ZNF804A: variants seen among roughly 807,000 people sequenced by gnomAD.
ZNF804A encodes the protein zinc finger protein 804A.
Under a neutral mutation model 16.5 loss-of-function variants are expected in ZNF804A, and 2 were observed. That is an observed-to-expected ratio of 0.12 (90% CI 0.05 to 0.38). ZNF804A has a LOEUF of 0.38. Ranked by LOEUF, ZNF804A falls within the 10% of genes least tolerant of loss-of-function variation. The probability of loss-of-function intolerance (pLI) is 0.99; values close to 1 mark genes in which losing one functional copy is unlikely to be tolerated. For synonymous variants in ZNF804A, 534 were observed against 489.6 expected, an observed-to-expected ratio of 1.09 and a Z score of -1.20; for missense variants, 1,473 against 1,390.7, an observed-to-expected ratio of 1.06 and a Z score of -0.94.
At chr2:184,682,804 C>G (rs1692563990) in intron 1 of ZNF804A, among the ~76,000 whole-genome samples, 3 of 152,014 alleles carry the variant, frequency 2.0e-5, no homozygotes, top group African/African-American at 7.2e-5. Flanking sequence ...CCCAGGAGTT[C>G]AAGACCAGCC....
chr2:184,925,945 C>T (rs986381523), intron 2 of ZNF804A, among the ~76,000 whole-genome samples: 14 of 151,804 alleles, frequency 9.2e-5, no homozygotes, highest in Non-Finnish European at 1.6e-4. Context: ...GATGGAGTCT[C>T]GCTCTATCTT....
intron 1 of ZNF804A, among the ~76,000 whole-genome samples, chr2:184,685,764 C>T (rs1290442800): frequency 5.9e-5 from 9 of 152,234 alleles, no homozygotes; most frequent in East Asian, 1.9e-4. Flanking sequence ...ACAGGCAGCC[C>T]GCTTCAGGCC....
intron 1 of ZNF804A, among the ~76,000 whole-genome samples, chr2:184,807,244 A>G (rs1168235248): frequency 2.0e-5 from 3 of 151,928 alleles, no homozygotes; most frequent in Non-Finnish European, 4.4e-5. Context: ...CCTAGTGTCA[A>G]CTTGTCATCA....
chr2:184,647,333 A>C (rs1691895187), intron 1 of ZNF804A, among the ~76,000 whole-genome samples: 1 of 152,222 alleles, frequency 6.6e-6, no homozygotes, highest in Non-Finnish European at 1.5e-5. Context: ...TGGCACCATA[A>C]AAACTCTGAA....
At chr2:184,626,641 GAA>G (rs1445221505) in intron 1 of ZNF804A, among the ~76,000 whole-genome samples, 2 of 152,070 alleles carry the variant, frequency 1.3e-5, no homozygotes, top group African/African-American at 2.4e-5. Flanking sequence ...CACAAATTTA[GAA>G]ATGATATGTC....
rs573207288 is a variant in ZNF804A, at chr2:184,827,981, ATCTAT to A, written c.112-38381_112-38377del. On this transcript the variant is annotated intron_variant, in intron 1 of 3. Transcript: ENST00000302277. ...TACAGCATCATTATAATCTCCTATC[ATCTAT>A]TCTATTTAATGGTTTACCAAGAATA... Among the ~76,000 whole-genome samples, 6 of 151,980 alleles carry A rather than the reference ATCTAT, an allele frequency of 3.9e-5. No individual in the cohort carries two copies. In the South Asian group the frequency reaches 1.2e-3, roughly 31 times the overall value.
rs1201204304 is a variant in ZNF804A at position 184,862,504 on chromosome 2, C to A, written c.112-3865C>A. Among the ~76,000 whole-genome samples, 8 of 152,236 alleles carry A rather than the reference C, an allele frequency of 5.3e-5. No homozygotes were observed. The East Asian group carries it at 1.5e-3, about 29-fold the overall frequency. ...ATTGTACTATCATTTGCAAACTTAACTTCAGCCATGCTATGTTTCCTTTAA... is the reference window on the plus strand; with the variant it reads ...ATTGTACTATCATTTGCAAACTTAAATTCAGCCATGCTATGTTTCCTTTAA... On this transcript the variant is annotated intron_variant, in intron 1 of 3. Coordinates refer to ENST00000302277, the MANE Select transcript of ZNF804A (RefSeq NM_194250.2).
intron 1 of ZNF804A, among the ~76,000 whole-genome samples, chr2:184,619,315 A>G (rs986092888): frequency 6.6e-6 from 1 of 152,066 alleles, no homozygotes; most frequent in African/African-American, 2.4e-5. Flanking sequence ...TTAAAAATAG[A>G]AGACATATTT....
intron 1 of ZNF804A, among the ~76,000 whole-genome samples, chr2:184,659,075 C>T (rs1692126043): frequency 6.6e-6 from 1 of 151,894 alleles, no homozygotes; most frequent in Admixed American, 6.6e-5. Flanking sequence ...CAATAAAAAC[C>T]CCAATATCAA....
At chr2:184,687,853 T>A (rs1334627534) in intron 1 of ZNF804A, among the ~76,000 whole-genome samples, 1 of 152,210 alleles carries the variant, frequency 6.6e-6, no homozygotes, top group Non-Finnish European at 1.5e-5. Flanking sequence ...GCGTGGTGGT[T>A]CACGCCTGTA....
chr2:184,826,313 T>C (rs929975464), intron 1 of ZNF804A, among the ~76,000 whole-genome samples: 1 of 152,146 alleles, frequency 6.6e-6, no homozygotes, highest in Non-Finnish European at 1.5e-5. Context: ...CATTATGGAA[T>C]GAAATACGTA....
Position 184,935,702 on chromosome 2 carries a change from CT to C in ZNF804A, c.387-76del, listed in dbSNP as rs1416604494. 2.8e-6 allele frequency: 4 copies of C among 1,437,664 alleles called. No homozygotes were observed. In the Admixed American group the frequency reaches 7.2e-5, roughly 26 times the overall value. The allele number at this position is 1,437,664 out of a possible 1,614,324, so 89.1% of individuals were successfully genotyped here. A position where few individuals can be genotyped will look rare whatever the true frequency, so the allele number is the denominator to read the frequency against. Reference sequence around the variant, plus strand: ...AAAATTTGAAAAAATATTATAATGACTTTTTAAAGATGAAAATATTTGACTA... The same window carrying C: ...AAAATTTGAAAAAATATTATAATGACTTTTAAAGATGAAAATATTTGACTA... On this transcript the variant is annotated intron_variant, in intron 3 of 3. Coordinates refer to ENST00000302277, the MANE Select transcript of ZNF804A (RefSeq NM_194250.2).
intron 1 of ZNF804A, among the ~76,000 whole-genome samples, chr2:184,726,694 C>G (rs899311754): frequency 6.6e-5 from 10 of 151,486 alleles, no homozygotes; most frequent in South Asian, 2.1e-4. Flanking sequence ...GTTATCCATC[C>G]TTCTGCAACA....
intron 2 of ZNF804A, among the ~76,000 whole-genome samples, chr2:184,893,833 C>G (rs1685022954): frequency 6.6e-6 from 1 of 152,006 alleles, no homozygotes; most frequent in African/African-American, 2.4e-5. Context: ...ATATTGATGT[C>G]TTAGATATAG....
intron 1 of ZNF804A, among the ~76,000 whole-genome samples, chr2:184,829,887 C>T (rs1313066755): frequency 7.8e-6 from 1 of 128,640 alleles, no homozygotes; most frequent in African/African-American, 3.1e-5. Flanking sequence ...CATGTCAAAA[C>T]CCTGTCTCTA....
intron 2 of ZNF804A, among the ~76,000 whole-genome samples, chr2:184,907,943 C>A (rs1685301777): frequency 6.6e-6 from 1 of 151,920 alleles, no homozygotes; most frequent in African/African-American, 2.4e-5. Context: ...TTAATGAATC[C>A]TAGACTGTAG....
intron 1 of ZNF804A, among the ~76,000 whole-genome samples, chr2:184,610,033 G>A (rs1212169503): frequency 6.6e-6 from 1 of 152,144 alleles, no homozygotes; most frequent in Non-Finnish European, 1.5e-5. Flanking sequence ...CTCATGAATG[G>A]AGTAATTCAT....
At chr2:184,826,901 A>G (rs1273985549) in intron 1 of ZNF804A, among the ~76,000 whole-genome samples, 2 of 152,070 alleles carry the variant, frequency 1.3e-5, no homozygotes, top group African/African-American at 4.8e-5. Context: ...GTCAACATTT[A>G]TGGAGACCAT....
intron 1 of ZNF804A, among the ~76,000 whole-genome samples, chr2:184,734,644 AT>A (rs1168776175): frequency 2.0e-5 from 3 of 152,100 alleles, no homozygotes; most frequent in Non-Finnish European, 4.4e-5. Flanking sequence ...GTATTCTGCT[AT>A]TGTTTGATAA....
Sources: gnomAD v4.1 joint callset for allele counts (sites outside exome capture counted in the v4.1 genomes callset) on GRCh38, gnomAD v4.1.1 for gene constraint, MANE v1.5 for transcripts, NCBI Gene and HGNC (gene_info 2026-07-23, HGNC 2026-07-21) for gene names.